The following DNAH6 variants were observed in gnomAD, a reference collection of about 807,000 sequenced individuals.
DNAH6 encodes the protein axonemal beta dynein heavy chain 6.
Under a neutral mutation model 491.4 loss-of-function variants are expected in DNAH6, and 340 were observed. That is an observed-to-expected ratio of 0.69 (90% confidence interval 0.63 to 0.76). The LOEUF (loss-of-function observed/expected upper bound fraction) is 0.76. Among genes scored for constraint, DNAH6 ranks in the 30% least tolerant of loss-of-function variants. The probability of loss-of-function intolerance (pLI) is 0.00; values close to 1 mark genes in which losing one functional copy is unlikely to be tolerated. For synonymous variants in DNAH6, 1,603 were observed against 1,686.1 expected (o/e 0.95, Z 1.21); for missense variants, 4,443 against 4,972.2 (o/e 0.89, Z 3.20).
intron 67 of DNAH6, 46 bp downstream of exon 67, chr2:84,785,802 G>GAAAT: frequency 7.1e-7 from 1 of 1,414,154 alleles, no homozygotes; most frequent in African/African-American, 1.5e-5. Context: ...AGTGTATTAT[G>GAAAT]AAATAAATAA....
chr2:84,788,141 A>G (rs1213803825), intron 68 of DNAH6, among the ~76,000 whole-genome samples: 1 of 152,220 alleles, frequency 6.6e-6, no homozygotes, highest in Non-Finnish European at 1.5e-5. Context: ...ACCAATAGGG[A>G]AAGGCCTGGA....
intron 31 of DNAH6, 45 bp downstream of exon 31, chr2:84,637,422 T>C (rs1438985794): frequency 6.8e-7 from 1 of 1,473,862 alleles, no homozygotes; most frequent in East Asian, 2.5e-5. Flanking sequence ...ACTTCTTTCT[T>C]TTATTTACCA....
chr2:84,487,487 T>A, the DNAH6 span, among the ~76,000 whole-genome samples: 1 of 152,084 alleles, frequency 6.6e-6, no homozygotes, highest in Non-Finnish European at 1.5e-5. Flanking sequence ...CCACATGGAG[T>A]CTGGCTCCTG....
intron 64 of DNAH6, among the ~76,000 whole-genome samples, chr2:84,769,474 A>G (rs1166446842): frequency 1.3e-5 from 2 of 152,270 alleles, no homozygotes; most frequent in African/African-American, 4.8e-5. Flanking sequence ...ATAAAGAAAA[A>G]GCAGCTGAAT....
chr2:84,592,007 A>G (rs1475838522), intron 16 of DNAH6, among the ~76,000 whole-genome samples: 1 of 152,216 alleles, frequency 6.6e-6, no homozygotes, highest in Non-Finnish European at 1.5e-5. Flanking sequence ...AGGTAGGAGA[A>G]ATCTTCATGA....
rs547564200 is a variant in DNAH6, at chr2:84,686,119, C to T, written c.7064-365C>T. Among the ~76,000 whole-genome samples, 4 of 150,124 alleles carry T rather than the reference C, an allele frequency of 2.7e-5. No homozygotes were observed. In the South Asian group the frequency reaches 6.3e-4, roughly 24 times the overall value. ...AAGAGAATCATGTGAACCCAGGAGG[C>T]GGAGGTTGCGGTGAGCCGAGATCGC... On this transcript the variant is annotated intron_variant, in intron 43 of 76. Coordinates refer to ENST00000389394, the MANE Select transcript of DNAH6 (RefSeq NM_001370.2).
At chr2:84,552,667 C>T (rs759075902) in intron 9 of DNAH6, among the ~76,000 whole-genome samples, 1 of 151,850 alleles carries the variant, frequency 6.6e-6, no homozygotes, top group African/African-American at 2.4e-5. Flanking sequence ...ATATGTCTTC[C>T]CAGTTTGTTT....
intron 63 of DNAH6, among the ~76,000 whole-genome samples, chr2:84,759,947 G>T (rs1399211943): frequency 6.6e-6 from 1 of 152,102 alleles, no homozygotes; most frequent in African/African-American, 2.4e-5. Flanking sequence ...AAAACAGCAT[G>T]GCACTGTTAT....
chr2:84,784,870 T>C, intron 66 of DNAH6, 60 bp downstream of exon 66: 2 of 1,215,544 alleles, frequency 1.6e-6, no homozygotes, highest in Non-Finnish European at 1.2e-6. Flanking sequence ...ATTCACCTAG[T>C]GCCTCCCAGG....
the DNAH6 span, among the ~76,000 whole-genome samples, chr2:84,500,802 A>G: frequency 6.6e-6 from 1 of 152,116 alleles, no homozygotes; most frequent in Non-Finnish European, 1.5e-5. Flanking sequence ...AAATGAGATT[A>G]CTTTTTAATT....
intron 54 of DNAH6, among the ~76,000 whole-genome samples, chr2:84,708,476 G>GC: frequency 2.0e-5 from 1 of 50,862 alleles, no homozygotes; most frequent in South Asian, 4.8e-4. Context: ...AAGAGAGAAA[G>GC]GGGGGGGGGA....
chr2:84,785,699 T>G lies in DNAH6; in HGVS notation c.11043T>G (p.Leu3681=). 1.9e-6 allele frequency: 3 copies of G among 1,548,194 alleles called. No homozygotes were observed. The highest frequency in any genetic ancestry group is 2.6e-6 in the Non-Finnish European group (3 of 1,145,816). ...MTPSFFEENI[L]GKKWRQIIFG... ...CTTCGTTTTTTGAAGAAAATATACT[T>G]GGAAAAAAATGGAGACAAATAATAT... Residue 3681 remains leucine (L), a synonymous_variant, in exon 67 of 77, where the codon CTT becomes CTG. Transcript: ENST00000389394.
At chr2:84,572,712 C>A (rs1011358580) in intron 11 of DNAH6, among the ~76,000 whole-genome samples, 1 of 152,182 alleles carries the variant, frequency 6.6e-6, no homozygotes, top group African/African-American at 2.4e-5. Flanking sequence ...TTGGTCACCT[C>A]TAGTTTTCCT....
At chr2:84,608,989 G>T (rs1045475087) in intron 21 of DNAH6, among the ~76,000 whole-genome samples, 1 of 152,154 alleles carries the variant, frequency 6.6e-6, no homozygotes, top group Non-Finnish European at 1.5e-5. Context: ...ACTTCACCTT[G>T]CCCTTTTATG....
intron 63 of DNAH6, among the ~76,000 whole-genome samples, chr2:84,751,511 C>T (rs190618111): frequency 6.6e-6 from 1 of 152,190 alleles, no homozygotes; most frequent in Non-Finnish European, 1.5e-5. Flanking sequence ...TTCAAAAACT[C>T]TTAGTAAGCC....
chr2:84,637,169 G>A (rs1688961984), intron 30 of DNAH6, 41 bp from the exon 31 acceptor site: 1 of 1,469,470 alleles, frequency 6.8e-7, no homozygotes, highest in African/African-American at 1.4e-5. Context: ...AATTTTACAA[G>A]TGTCTGGAAG....
chr2:84,633,163 A>T (rs774146201), intron 29 of DNAH6, among the ~76,000 whole-genome samples: 4 of 152,200 alleles, frequency 2.6e-5, no homozygotes, highest in African/African-American at 4.8e-5. Flanking sequence ...TTCCTTCTAA[A>T]GTAGTACATT....
rs544802714 is a variant in DNAH6, at chr2:84,570,494, T to G, written c.1804-2973T>G. On this transcript the variant is annotated intron_variant, in intron 11 of 76. Coordinates refer to ENST00000389394, the MANE Select transcript of DNAH6 (RefSeq NM_001370.2). ...TAAAAACGCACCAATCAGCACTCTG[T>G]GTCTAGCTAACGGATTATAAAGGCA... 3.9e-5 allele frequency among the ~76,000 whole-genome samples: 6 copies of G among 152,018 alleles called. No homozygotes were observed. In the South Asian group the frequency reaches 8.3e-4, roughly 21 times the overall value.
At chr2:84,635,707 G>A (rs1191764737) in intron 30 of DNAH6, among the ~76,000 whole-genome samples, 3 of 152,140 alleles carry the variant, frequency 2.0e-5, no homozygotes, top group Non-Finnish European at 4.4e-5. Context: ...TCGTCCTGAA[G>A]CTGCCAGTGC....
Sources: allele counts gnomAD v4.1 joint callset (sites outside exome capture counted in the v4.1 genomes callset), GRCh38; gene constraint gnomAD v4.1.1; transcripts MANE v1.5; gene names NCBI Gene and HGNC (gene_info 2026-07-23, HGNC 2026-07-21).